The following SNX25 variants were observed in gnomAD, a reference collection of about 807,000 sequenced individuals.
The protein encoded by SNX25 is sorting nexin 25, also known as sorting nexin-25.
A neutral mutation model predicts 113.7 loss-of-function variants in SNX25; 62 were observed. The observed-to-expected ratio is 0.55, with a 90% CI of 0.44 to 0.67. SNX25 has a LOEUF of 0.67. Among genes scored for constraint, SNX25 ranks in the 30% least tolerant of loss-of-function variants. The pLI is 0.00. For missense variants in SNX25, 1,014 were observed against 1,161.0 expected, an observed-to-expected ratio of 0.87 and a Z score of 1.84; for synonymous variants, 421 against 436.2, an observed-to-expected ratio of 0.97 and a Z score of 0.43.
intron 11 of SNX25, among the ~76,000 whole-genome samples, chr4:185,340,348 A>G (rs1387240561): frequency 6.6e-6 from 1 of 152,188 alleles, no homozygotes; most frequent in Non-Finnish European, 1.5e-5. Flanking sequence ...AAAACAAAGC[A>G]TGTTCTCCAA....
At chr4:185,275,413 A>C (rs554936397) in intron 5 of SNX25, among the ~76,000 whole-genome samples, 1 of 152,302 alleles carries the variant, frequency 6.6e-6, no homozygotes, top group East Asian at 1.9e-4. Flanking sequence ...TACTAGGATA[A>C]AGCAAGAGGA....
chr4:185,224,679 A>G (rs560557927), intron 1 of SNX25, among the ~76,000 whole-genome samples: 172 of 148,524 alleles, frequency 1.2e-3, no homozygotes, highest in Middle Eastern at 3.6e-3. Flanking sequence ...AAATATATAA[A>G]TAATTATGAA....
In SNX25 at chr4:185,293,857, T is replaced by C. The variant is rs564568211; in HGVS notation, c.1162+5775T>C. On this transcript the variant is annotated intron_variant, in intron 6 of 18. Transcript: ENST00000652585. ...AGCACTAACAGAGTTAGAGAAACAA[T>C]GTAAAACACGATCGTTTATAAACAG... Among the ~76,000 whole-genome samples, 3 of 152,210 alleles carry C rather than the reference T, an allele frequency of 2.0e-5. No homozygotes were observed. In the South Asian group the frequency reaches 6.2e-4, roughly 32 times the overall value.
chr4:185,311,346 C>G (rs80002565), intron 7 of SNX25, among the ~76,000 whole-genome samples: 2,141 of 152,296 alleles, frequency 0.014, 53 homozygotes, highest in African/African-American at 0.049. Flanking sequence ...TGAGTGCTTT[C>G]TCACTGAACC....
chr4:185,217,315 G>A (rs141318081), intron 1 of SNX25, among the ~76,000 whole-genome samples: 2 of 152,140 alleles, frequency 1.3e-5, no homozygotes, highest in East Asian at 3.9e-4. Context: ...TAATGAAGCT[G>A]TGTGAATGGA....
In SNX25 at chr4:185,323,758, A is replaced by G. The variant is rs2095136892; in HGVS notation, c.1707A>G (p.Glu569=). 3 of 1,613,676 alleles carry G rather than the reference A, an allele frequency of 1.9e-6. No individual in the cohort carries two copies. Among genetic ancestry groups the G allele is most frequent in the Non-Finnish European group, 2.5e-6 (3 of 1,179,836 alleles). The change falls in exon 9 of 19, where the codon GAA becomes GAG. Residue 569 remains glutamate, a synonymous_variant. Coordinates refer to ENST00000652585, the MANE Select transcript of SNX25 (RefSeq NM_001378034.2). ...ATGAGAAATTGTTGATAAAAGAGGAAGAAAAACATGCCTCACAGATGATTT... is the reference window on the plus strand; with the variant it reads ...ATGAGAAATTGTTGATAAAAGAGGAGGAAAAACATGCCTCACAGATGATTT... ...DLYEKLLIKE[E]EKHASQMISN...
chr4:185,347,765 C>T (rs1561041776), intron 13 of SNX25, among the ~76,000 whole-genome samples: 1 of 152,168 alleles, frequency 6.6e-6, no homozygotes, highest in Non-Finnish European at 1.5e-5. Flanking sequence ...GCCACTGTGC[C>T]CGGCCATTTG....
chr4:185,288,041 C>T lies in SNX25; in HGVS notation c.1121C>T (p.Ala374Val), dbSNP rs779242791. Residue 374 changes from alanine (A) to valine (V), a missense_variant, in exon 6 of 19, where the codon GCG (alanine) becomes GTG (valine). Coordinates refer to ENST00000652585, the MANE Select transcript of SNX25 (RefSeq NM_001378034.2). Reference protein sequence around the residue: ...RYQIVVEIIQATTISSFPQLK... With the variant: ...RYQIVVEIIQVTTISSFPQLK... ...CAAATTGTAGTGGAAATAATCCAGG[C>T]GACTACAATTAGCAGCTTTCCCCAA... 1.8e-5 allele frequency: 29 copies of T among 1,612,858 alleles called. No individual in the cohort carries two copies. The highest frequency in any genetic ancestry group is 1.6e-4 in the Middle Eastern group (1 of 6,076).
chr4:185,376,776 C>T, the SNX25 span: 5 of 633,584 alleles, frequency 7.9e-6, no homozygotes, highest in Non-Finnish European at 1.4e-5. Context: ...ACTGTTAAAG[C>T]CACAGCCATA....
rs143910035 is a variant in SNX25 at position 185,272,517 on chromosome 4, G to A, written c.1091+5362G>A. On this transcript the variant is annotated intron_variant, in intron 5 of 18. Transcript: ENST00000652585. ...AACTGTGTGCTAATGAAAATGGTTT[G>A]TTCTTCCACAAATAGGTGCCTCGGC... Among the ~76,000 whole-genome samples the A allele has an allele frequency of 7.8e-3, 1,189 of 152,264 alleles. 4 individuals are homozygous for A. The highest frequency in any genetic ancestry group is 0.024 in the Middle Eastern group (7 of 294).
chr4:185,322,728 G>T (rs984015552), intron 8 of SNX25, among the ~76,000 whole-genome samples: 8 of 152,118 alleles, frequency 5.3e-5, no homozygotes, highest in African/African-American at 1.9e-4. Flanking sequence ...ATCTAAAAAG[G>T]TTTTCCTAAA....
At chr4:185,370,701 C>T (rs372522791), downstream of SNX25, 21 of 1,613,926 alleles carry the variant, frequency 1.3e-5, no homozygotes, top group African/African-American at 2.4e-4. Flanking sequence ...AAGCTGAAGA[C>T]ACCTTGCGTG....
At chr4:185,349,558 A>T (rs1298184456) in intron 13 of SNX25, among the ~76,000 whole-genome samples, 1 of 152,058 alleles carries the variant, frequency 6.6e-6, no homozygotes, top group Admixed American at 6.5e-5. Flanking sequence ...CTTTTCTTTC[A>T]TATCCTTGCC....
chr4:185,297,909 C>T, intron 6 of SNX25, among the ~76,000 whole-genome samples: 1 of 152,076 alleles, frequency 6.6e-6, no homozygotes, highest in Admixed American at 6.6e-5. Flanking sequence ...ACATTCAGTC[C>T]ATAACACCAT....
chr4:185,299,433 A>T (rs1055442167), intron 6 of SNX25, among the ~76,000 whole-genome samples: 3 of 152,156 alleles, frequency 2.0e-5, no homozygotes, highest in African/African-American at 7.2e-5. Flanking sequence ...GAGCTTGTTA[A>T]AACGCAGATT....
At chr4:185,347,381 T>G (rs2095292370) in intron 13 of SNX25, among the ~76,000 whole-genome samples, 1 of 152,234 alleles carries the variant, frequency 6.6e-6, no homozygotes, top group Non-Finnish European at 1.5e-5. Context: ...ACTTATCTTT[T>G]GCGTTTTTAT....
chr4:185,295,451 CTTTTT>C (rs11342153), intron 6 of SNX25, among the ~76,000 whole-genome samples: 2 of 137,652 alleles, frequency 1.5e-5, no homozygotes, highest in Admixed American at 1.5e-4. Context: ...TCTGGTGAGT[CTTTTT>C]TTTTTTTTTT....
At chr4:185,254,569 A>T (rs557963942) in intron 2 of SNX25, among the ~76,000 whole-genome samples, 124 of 152,276 alleles carry the variant, frequency 8.1e-4, no homozygotes, top group South Asian at 3.3e-3. Flanking sequence ...TTGTTCTGAA[A>T]ATTTGTGGGT....
chr4:185,360,500 A>G (rs938033207), intron 16 of SNX25, among the ~76,000 whole-genome samples: 4 of 152,174 alleles, frequency 2.6e-5, no homozygotes, highest in African/African-American at 9.7e-5. Context: ...TGAATTTGAA[A>G]TTTGAGGTCT....
Sources: allele counts gnomAD v4.1 joint callset (sites outside exome capture counted in the v4.1 genomes callset), GRCh38; gene constraint gnomAD v4.1.1; transcripts MANE v1.5; gene names NCBI Gene and HGNC (gene_info 2026-07-23, HGNC 2026-07-21).